UPK3B: variants seen among roughly 807,000 people sequenced by gnomAD.
The protein encoded by UPK3B is uroplakin-3b.
In UPK3B, 21 loss-of-function variants were observed where a neutral mutation model predicts 27.6. The observed-to-expected ratio is 0.76, with a 90% confidence interval of 0.54 to 1.10. The LOEUF is 1.10. Among genes scored for constraint, UPK3B ranks in the 50% least tolerant of loss-of-function variants. The pLI is 0.00. For synonymous variants in UPK3B, 141 were observed against 162.3 expected, an observed-to-expected ratio of 0.87 and a Z score of 1.00; for missense variants, 306 against 376.1, an observed-to-expected ratio of 0.81 and a Z score of 1.54.
chr7:76,512,427 G>A (rs1186268632), intron 3 of UPK3B, among the ~76,000 whole-genome samples: 10 of 147,524 alleles, frequency 6.8e-5, no homozygotes, highest in African/African-American at 9.8e-5. Context: ...AAGGCAGGGC[G>A]TGGTGAGGCT....
At chr7:76,514,183 T>A in intron 5 of UPK3B, 107 bp downstream of exon 5, 1 of 1,544,738 alleles carries the variant, frequency 6.5e-7, no homozygotes. Flanking sequence ...TTATTTTATT[T>A]TTGGTAGAGA....
chr7:76,511,743 C>T lies in UPK3B; in HGVS notation c.322C>T (p.Pro108Ser), dbSNP rs1160423324. The stretch of plus-strand genomic sequence containing the variant: ...GACCGATGGCCACTACATGACGCTG[C>T]CCCTGTCTCCGGACCAGCTGCCCTG... ...LLTDGHYMTLPLSPDQLPCGD... is the reference protein window; with the variant it reads ...LLTDGHYMTLSLSPDQLPCGD... The change falls in exon 3 of 6, where the codon CCC becomes TCC. Residue 108 changes from proline (P) to serine (S), a missense_variant. By Grantham distance (74) the Pro-to-Ser change is moderately conservative. Around this residue, in one of 4 missense-constraint regions of UPK3B, gnomAD observed 78 missense variants for 120.2 expected, o/e 0.65. Coordinates refer to ENST00000334348, the MANE Select transcript of UPK3B (RefSeq NM_001347684.2). 3 of 1,611,328 alleles carry T rather than the reference C, an allele frequency of 1.9e-6. No homozygotes were observed. Among genetic ancestry groups the T allele is most frequent in the Non-Finnish European group, 2.5e-6 (3 of 1,179,290 alleles).
intron 4 of UPK3B, 122 bp downstream of exon 4, chr7:76,513,285 G>T (rs1563768693): frequency 3.2e-6 from 3 of 947,060 alleles, no homozygotes; most frequent in African/African-American, 1.6e-5. Context: ...TGTCCAAGTC[G>T]GGCCCAGCCC....
At position 76,514,017 on chromosome 7, in the gene UPK3B, CCT is replaced by C; in HGVS notation, c.617_618del (p.Ser206PhefsTer87). On this transcript the variant is annotated frameshift_variant, in exon 5 of 6. Coordinates refer to ENST00000334348, the MANE Select transcript of UPK3B (RefSeq NM_001347684.2). LOFTEE classifies it high-confidence loss of function. ...SGSMIVITSI[L>X]SSLAGLLLLA... ...GCAGCATGATCGTCATTACCTCCAT[CCT>C]CTCTTCTCTGGCCGGCCTCCTACTC... 3 of 1,613,956 alleles carry C rather than the reference CCT, an allele frequency of 1.9e-6. No individual in the cohort carries two copies. The highest frequency in any genetic ancestry group is 2.5e-6 in the Non-Finnish European group (3 of 1,179,948).
At chr7:76,513,652 C>T (rs1812619115) in intron 4 of UPK3B, among the ~76,000 whole-genome samples, 1 of 152,062 alleles carries the variant, frequency 6.6e-6, no homozygotes, top group Non-Finnish European at 1.5e-5. Flanking sequence ...GAAGTCTTGT[C>T]ATCTGAAGGC....
rs147530755 is a variant in UPK3B, at chr7:76,515,241, G to A, written c.*37G>A. On this transcript the variant is annotated 3_prime_UTR_variant, in exon 6 of 6. Transcript: ENST00000334348. ...TGCATGGGGCTGGGGGAGATGGGGCGCTGGGAGTGAGTGCATGGTGCTTTG... is the reference window on the plus strand; with the variant it reads ...TGCATGGGGCTGGGGGAGATGGGGCACTGGGAGTGAGTGCATGGTGCTTTG... 2.4e-4 allele frequency: 375 copies of A among 1,581,094 alleles called. No homozygotes were observed. The highest frequency in any genetic ancestry group is 3.0e-4 in the Non-Finnish European group (349 of 1,163,448).
chr7:76,513,243 C>T, intron 4 of UPK3B, 80 bp downstream of exon 4: 1 of 1,368,894 alleles, frequency 7.3e-7, no homozygotes, highest in Non-Finnish European at 1.0e-6. Context: ...GGCCACACCC[C>T]TGCTCCCACA....
Position 76,515,140 on chromosome 7 carries a change from A to T in UPK3B, c.767A>T (p.Glu256Val), listed in dbSNP as rs1317628042. 1 of 1,598,028 alleles carries T rather than the reference A, an allele frequency of 6.3e-7. No individual in the cohort carries two copies. The highest frequency in any genetic ancestry group is 1.1e-5 in the South Asian group (1 of 88,496). Residue 256 changes from glutamate (E) to valine (V), a missense_variant, in exon 6 of 6, where the codon GAG (glutamate) becomes GTG (valine). Glu to Val is a moderately radical substitution (Grantham distance 121). Coordinates refer to ENST00000334348, the MANE Select transcript of UPK3B (RefSeq NM_001347684.2). ...RYMTHHIPPR[E>V]AATLPVGCKP... ...ATGACCCACCACATCCCACCCAGAG[A>T]GGCCGCCACACTGCCGGTGGGCTGC...
intron 5 of UPK3B, among the ~76,000 whole-genome samples, chr7:76,514,442 G>A (rs1317828023): frequency 1.3e-5 from 2 of 152,176 alleles, no homozygotes; most frequent in South Asian, 2.1e-4. Flanking sequence ...CGCCTCACTC[G>A]GGCCCTGTCT....
intron 4 of UPK3B, 54 bp from the exon 5 acceptor site, chr7:76,513,893 C>T: frequency 1.9e-6 from 3 of 1,608,454 alleles, no homozygotes; most frequent in Non-Finnish European, 1.7e-6. Context: ...GAGGAGATGA[C>T]AGCCAGCCCT....
chr7:76,514,419 G>C (rs1335872009), intron 5 of UPK3B, among the ~76,000 whole-genome samples: 2 of 152,204 alleles, frequency 1.3e-5, no homozygotes, highest in East Asian at 1.9e-4. Context: ...CTGAGGACAG[G>C]TTCGGGAGGT....
intron 5 of UPK3B, 65 bp downstream of exon 5, chr7:76,514,141 T>A: frequency 6.2e-7 from 1 of 1,609,898 alleles, no homozygotes. Flanking sequence ...TTGGTCCCAG[T>A]GTCTGGAAGC....
At chr7:76,513,666 G>C (rs1812619962) in intron 4 of UPK3B, among the ~76,000 whole-genome samples, 1 of 152,108 alleles carries the variant, frequency 6.6e-6, no homozygotes, top group South Asian at 2.1e-4. Context: ...TGAAGGCCTT[G>C]ACTGCTGGGC....
Position 76,515,071 on chromosome 7 carries a change from C to T in UPK3B, c.698C>T (p.Ala233Val). 3 of 1,595,230 alleles carry T rather than the reference C, an allele frequency of 1.9e-6. No individual in the cohort carries two copies. The highest frequency in any genetic ancestry group is 1.3e-5 in the African/African-American group (1 of 74,806). ...TCCAGCCTGTGGTGGCCGGAGGAGG[C>T]CCCGGAGCAGCTGCGGATCGGCTCC... ...RFSSLWWPEE[A>V]PEQLRIGSFM... Residue 233 changes from alanine to valine, a missense_variant, in exon 6 of 6, where the codon GCC (alanine) becomes GTC (valine). Coordinates refer to ENST00000334348, the MANE Select transcript of UPK3B (RefSeq NM_001347684.2).
rs370966246 is a variant in UPK3B, at chr7:76,513,199, A to C, written c.541+36A>C. ...GCAGGAGGGGCGCTGCCCCCAGTGG[A>C]CTCACGATCTCTCTGGGCCGCCTCT... On this transcript the variant is annotated intron_variant, in intron 4 of 5. Coordinates refer to ENST00000334348, the MANE Select transcript of UPK3B (RefSeq NM_001347684.2). 45 of 1,588,762 alleles carry C rather than the reference A, an allele frequency of 2.8e-5. 1 individual carries two copies. The highest frequency in any genetic ancestry group is 3.8e-5 in the Non-Finnish European group (44 of 1,159,464).
At chr7:76,514,149 A>G (rs1397686730) in intron 5 of UPK3B, 73 bp downstream of exon 5, 5 of 1,600,756 alleles carry the variant, frequency 3.1e-6, no homozygotes, top group Non-Finnish European at 3.4e-6. Context: ...AGTGTCTGGA[A>G]GCCCTCCAGG....
intron 4 of UPK3B, 80 bp from the exon 5 acceptor site, chr7:76,513,867 T>C: frequency 6.3e-7 from 1 of 1,592,612 alleles, no homozygotes; most frequent in Non-Finnish European, 8.6e-7. Context: ...CCAGCGTGGG[T>C]GGGGAGGGAG....
Position 76,514,003 on chromosome 7 carries a change from G to C in UPK3B, c.598G>C (p.Val200Leu). 6.2e-7 allele frequency: 1 copy of C among 1,613,910 alleles called. No individual in the cohort carries two copies. The highest frequency in any genetic ancestry group is 8.5e-7 in the Non-Finnish European group (1 of 1,179,954). Reference protein sequence around the residue: ...WPGRRSGSMIVITSILSSLAG... With the variant: ...WPGRRSGSMILITSILSSLAG... ...AGGGCGGCGAAGTGGCAGCATGATC[G>C]TCATTACCTCCATCCTCTCTTCTCT... The change falls in exon 5 of 6, where the codon GTC becomes CTC. Residue 200 changes from valine to leucine, a missense_variant. Coordinates refer to ENST00000334348, the MANE Select transcript of UPK3B (RefSeq NM_001347684.2).
At chr7:76,514,175 A>G in intron 5 of UPK3B, 99 bp downstream of exon 5, 1 of 1,569,184 alleles carries the variant, frequency 6.4e-7, no homozygotes, top group Non-Finnish European at 8.7e-7. Context: ...CATGGGGTTT[A>G]TTTTATTTTT....
Sources: gnomAD v4.1 joint callset for allele counts (sites outside exome capture counted in the v4.1 genomes callset) on GRCh38, gnomAD v4.1.1 for gene constraint, gnomAD v4.1.1 regional missense constraint, MANE v1.5 for transcripts, NCBI Gene and HGNC (gene_info 2026-07-23, HGNC 2026-07-21) for gene names.